ACE: variants seen among roughly 807,000 people sequenced by gnomAD.
ACE encodes angiotensin-converting enzyme.
A neutral mutation model predicts 162.3 loss-of-function variants in ACE; 122 were observed. That is an observed-to-expected ratio of 0.75 (90% CI 0.65 to 0.87). The LOEUF (loss-of-function observed/expected upper bound fraction) is 0.87. Among genes scored for constraint, ACE ranks in the 40% least tolerant of loss-of-function variants. The pLI is 0.00. For missense variants in ACE, 1,799 were observed against 1,735.1 expected (o/e 1.04, Z -0.65); for synonymous variants, 796 against 720.6 (o/e 1.10, Z -1.68).
chr17:63,481,408 A>C (rs993361859), intron 6 of ACE, among the ~76,000 whole-genome samples, 158 bp from the exon 7 acceptor site: 6 of 152,070 alleles, frequency 3.9e-5, no homozygotes, highest in African/African-American at 1.4e-4. Context: ...ACTTTCACTC[A>C]TCTGCTGTGG....
rs564933233 is a variant in ACE, at chr17:63,480,463, C to T, written c.782C>T (p.Ala261Val). 3.1e-6 allele frequency: 5 copies of T among 1,614,142 alleles called. No homozygotes were observed. The South Asian group carries it at 3.3e-5, about 11-fold the overall frequency. Residue 261 changes from alanine to valine, a missense_variant, in exon 5 of 25, where the codon GCA becomes GTA. By Grantham distance (64) the Ala-to-Val change is moderately conservative. Transcript: ENST00000290866. Reference protein sequence around the residue: ...YLNLHAFVRRALHRRYGDRYI... With the variant: ...YLNLHAFVRRVLHRRYGDRYI... ...AACCTCCATGCCTTCGTCCGCCGCG[C>T]ACTGCATCGCCGATACGGAGACAGA...
chr17:63,485,845 T>C lies in ACE; in HGVS notation c.2058+473T>C, dbSNP rs550493170. On this transcript the variant is annotated intron_variant, in intron 13 of 24. Transcript: ENST00000290866. Reference sequence around the variant, plus strand: ...ACTCAATGCCTGAGCAATTCTTCTTTCCTTAAAAATCAGTCTCTGGGAGGC... The same window carrying C: ...ACTCAATGCCTGAGCAATTCTTCTTCCCTTAAAAATCAGTCTCTGGGAGGC... The C allele has an allele frequency of 2.3e-3, 496 of 211,810 alleles. 1 individual carries two copies. Among genetic ancestry groups the C allele is most frequent in the Non-Finnish European group, 3.6e-3 (381 of 104,450 alleles). The allele number at this position is 211,810 out of a possible 1,614,324, so 13.1% of individuals were successfully genotyped here. A position where few individuals can be genotyped will look rare whatever the true frequency, so the allele number is the denominator to read the frequency against.
chr17:63,483,573 A>ACC lies in ACE; in HGVS notation c.1586+18_1586+19dup. On this transcript the variant is annotated intron_variant, in intron 10 of 24. Coordinates refer to ENST00000290866, the MANE Select transcript of ACE (RefSeq NM_000789.4). ...CCATACATCAGGTATTAGCGCCCCC[A>ACC]CCCCACCCACCCCCAGTACTGTCAC... 1.4e-6 allele frequency: 1 copy of ACC among 702,992 alleles called. No homozygotes were observed. Among genetic ancestry groups the ACC allele is most frequent in the Non-Finnish European group, 2.0e-6 (1 of 495,778 alleles). 43.5% of individuals were successfully genotyped at this position (702,992 alleles called of 1,614,324 possible).
At chr17:63,494,142 G>A (rs2030576825) in intron 21 of ACE, 76 bp downstream of exon 21, 2 of 1,585,080 alleles carry the variant, frequency 1.3e-6, no homozygotes, top group South Asian at 1.1e-5. Flanking sequence ...GTCTGGATGG[G>A]CCAGGGTAGG....
chr17:63,488,348 G>A (rs1376718359), intron 15 of ACE, among the ~76,000 whole-genome samples: 2 of 130,614 alleles, frequency 1.5e-5, no homozygotes, highest in African/African-American at 6.0e-5. Flanking sequence ...AACAGAGTGA[G>A]ACCCTGTCTC....
Position 63,497,259 on chromosome 17 carries a change from G to A in ACE, c.3814G>A (p.Ala1272Thr), listed in dbSNP as rs1425238764. The A allele has an allele frequency of 6.4e-7, 1 of 1,568,288 alleles. No homozygotes were observed. Among genetic ancestry groups the A allele is most frequent in the East Asian group, 2.3e-5 (1 of 42,944 alleles). The change falls in exon 25 of 25, where the codon GCC (alanine) becomes ACC (threonine). Residue 1272 changes from alanine (A) to threonine (T), a missense_variant. Ala to Thr is a moderately conservative substitution (Grantham distance 58). Coordinates refer to ENST00000290866, the MANE Select transcript of ACE (RefSeq NM_000789.4). ...CTTCCTGGGCATCGCCCTGCTGGTA[G>A]CCACCCTGGGCCTCAGCCAGCGGCT... ...LLFLGIALLV[A>T]TLGLSQRLFS...
chr17:63,491,119 C>T lies in ACE; in HGVS notation c.2739+68C>T. 6.2e-7 allele frequency: 1 copy of T among 1,611,260 alleles called. No homozygotes were observed. Among genetic ancestry groups the T allele is most frequent in the Non-Finnish European group, 8.5e-7 (1 of 1,178,278 alleles). On this transcript the variant is annotated intron_variant, in intron 18 of 24. Transcript: ENST00000290866. The surrounding 1 kb of genome is among the most constrained non-coding windows in gnomAD (Gnocchi z 4.4). ...AGGGACCCTCTGATTCAGGAGTTCC[C>T]TCCAGTTTAGCCCTCCCCCGGGATC... is the stretch of plus-strand genomic sequence containing the variant.
rs1193350253 is a variant in ACE, at chr17:63,486,878, AGCTCCCTG to A, written c.2218-101_2218-94del. On this transcript the variant is annotated intron_variant, in intron 14 of 24. Transcript: ENST00000290866. ...AACTGCTGAGAGGGCAGCGCTCCCCAGCTCCCTGGCTCCCCACCTGCCAGCCCATGGGG... is the reference window on the plus strand; with the variant it reads ...AACTGCTGAGAGGGCAGCGCTCCCCAGCTCCCCACCTGCCAGCCCATGGGG... The A allele has an allele frequency of 1.2e-5, 17 of 1,462,670 alleles. No homozygotes were observed. In the Middle Eastern group the frequency reaches 5.2e-4, roughly 45 times the overall value. The allele number at this position is 1,462,670 out of a possible 1,614,324, so 90.6% of individuals were successfully genotyped here.
chr17:63,497,165 C>T lies in ACE; in HGVS notation c.3720C>T (p.Ser1240=), dbSNP rs757286547. 22 of 1,603,816 alleles carry T rather than the reference C, an allele frequency of 1.4e-5. No homozygotes were observed. Among genetic ancestry groups the T allele is most frequent in the Admixed American group, 5.0e-5 (3 of 59,766 alleles). Residue 1240 remains serine, a synonymous_variant, in exon 25 of 25, where the codon AGC becomes AGT. Coordinates refer to ENST00000290866, the MANE Select transcript of ACE (RefSeq NM_000789.4). ...GCTCAGAAGGGCCCCTCCCAGACAGCGGCCGCGTCAGCTTCCTGGGCCTGG... is the reference window on the plus strand; with the variant it reads ...GCTCAGAAGGGCCCCTCCCAGACAGTGGCCGCGTCAGCTTCCTGGGCCTGG... ...SARSEGPLPD[S]GRVSFLGLDL...
intron 13 of ACE, 172 bp from the exon 14 acceptor site, chr17:63,486,385 C>A: frequency 1.4e-6 from 1 of 718,048 alleles, no homozygotes. Flanking sequence ...AGTACTGCAT[C>A]CAGGACGTTA....
At chr17:63,486,772 A>T in intron 14 of ACE, 57 bp downstream of exon 14, 4 of 1,609,420 alleles carry the variant, frequency 2.5e-6, no homozygotes, top group Non-Finnish European at 3.4e-6. Flanking sequence ...AGCCCAACAC[A>T]GGGTCTGGCC....
rs377651738 is a variant in ACE, at chr17:63,489,035, C to T, written c.2544C>T (p.Leu848=). 2.6e-5 allele frequency: 42 copies of T among 1,614,196 alleles called. 1 individual carries two copies. The highest frequency in any genetic ancestry group is 2.1e-4 in the African/African-American group (16 of 75,062). The change falls in exon 17 of 25, where the codon CTC becomes CTT. Residue 848 remains leucine (L), a synonymous_variant. Transcript: ENST00000290866. ...LERLFQELQP[L]YLNLHAYVRR... ...GGCTCTTCCAGGAGCTGCAGCCACT[C>T]TACCTCAACCTGCATGCCTACGTGC...
rs1272224006 is a variant in ACE, at chr17:63,480,517, C to T, written c.836C>T (p.Ala279Val). Residue 279 changes from alanine (A) to valine (V), a missense_variant, in exon 5 of 25, where the codon GCT becomes GTT. Transcript: ENST00000290866. ...ATCAACCTCAGGGGACCCATCCCTG[C>T]TCATCTGCTGGGTAAGGACCTGGCC... ...RYINLRGPIPAHLLGDMWAQS... is the reference protein window; with the variant it reads ...RYINLRGPIPVHLLGDMWAQS... 1.9e-6 allele frequency: 3 copies of T among 1,613,836 alleles called. No homozygotes were observed. Among genetic ancestry groups the T allele is most frequent in the South Asian group, 1.1e-5 (1 of 91,084 alleles).
Position 63,488,644 on chromosome 17 carries a change from C to A in ACE, c.2306-4C>A, listed in dbSNP as rs1406907579. 1 of 1,613,126 alleles carries A rather than the reference C, an allele frequency of 6.2e-7. No homozygotes were observed. Among genetic ancestry groups the A allele is most frequent in the African/African-American group, 1.3e-5 (1 of 74,738 alleles). On this transcript the variant is annotated splice_polypyrimidine_tract_variant and splice_region_variant and intron_variant, in intron 15 of 24. Transcript: ENST00000290866. ...GGAGCTCAAGGCATTCAAACCCCTA[C>A]CAGATCTGACGAATGTGATGGCCAC...
At chr17:63,486,942 A>G in intron 14 of ACE, 44 bp from the exon 15 acceptor site, 1 of 1,567,494 alleles carries the variant, frequency 6.4e-7, no homozygotes, top group Non-Finnish European at 8.8e-7. Context: ...CAGAGAGACC[A>G]AGTGCAAAGG....
At chr17:63,490,753 G>C (rs2030315514) in intron 17 of ACE, 4 of 616,148 alleles carry the variant, frequency 6.5e-6, no homozygotes, top group Non-Finnish European at 1.2e-5. Flanking sequence ...CCCCCACCTA[G>C]AGCCAGGCAG....
rs757874491 is a variant in ACE at position 63,489,117 on chromosome 17, C to T, written c.2626C>T (p.Pro876Ser). 9 of 1,610,032 alleles carry T rather than the reference C, an allele frequency of 5.6e-6. No homozygotes were observed. The highest frequency in any genetic ancestry group is 2.2e-5 in the East Asian group (1 of 44,890). ...AQHINLEGPI[P>S]AHLLGNMWAQ... is the part of the protein sequence containing the mutation. ...GCACATCAACCTGGAGGGGCCCATT[C>T]CTGCTCACCTGCTGGGTAAGGGCAC... The change falls in exon 17 of 25, where the codon CCT becomes TCT. Residue 876 changes from proline to serine, a missense_variant. Physicochemically the swap from Pro to Ser is moderately conservative, Grantham distance 74. Transcript: ENST00000290866.
At chr17:63,492,729 C>A (rs1408403128) in intron 19 of ACE, among the ~76,000 whole-genome samples, 1 of 152,210 alleles carries the variant, frequency 6.6e-6, no homozygotes, top group Admixed American at 6.5e-5. Flanking sequence ...GTTTGCTAAA[C>A]AACAAGGAAG....
intron 5 of ACE, 57 bp from the exon 6 acceptor site, chr17:63,481,034 G>A: frequency 6.4e-7 from 1 of 1,558,768 alleles, no homozygotes. Context: ...AGCGATGCAT[G>A]AAGAAGCAGG....
Sources: allele counts gnomAD v4.1 joint callset (sites outside exome capture counted in the v4.1 genomes callset), GRCh38; gene constraint gnomAD v4.1.1; non-coding constraint Gnocchi (gnomAD v3.1); transcripts MANE v1.5; gene names NCBI Gene and HGNC (gene_info 2026-07-23, HGNC 2026-07-21).